Variants in DSG2 observed in about 807,000 individuals in gnomAD.
DSG2 encodes desmoglein-2.
Under a neutral mutation model 75.6 loss-of-function variants are expected in DSG2, and 45 were observed. That is an observed-to-expected ratio of 0.60 (90% CI 0.47 to 0.76). The LOEUF is 0.76. Ranked by LOEUF, DSG2 falls within the 30% of genes least tolerant of loss-of-function variation. The pLI is 0.00. For missense variants in DSG2, 1,267 were observed against 1,357.4 expected (o/e 0.93, Z 1.05); for synonymous variants, 429 against 483.9 (o/e 0.89, Z 1.49).
chr18:31,507,833 G>A (rs1360722598), intron 1 of DSG2, among the ~76,000 whole-genome samples: 3 of 152,088 alleles, frequency 2.0e-5, no homozygotes, highest in African/African-American at 7.2e-5. Context: ...TTAGCCCTTT[G>A]TCAGATGGAT....
intron 1 of DSG2, among the ~76,000 whole-genome samples, chr18:31,511,523 G>A (rs76321254): frequency 6.6e-6 from 1 of 152,358 alleles, no homozygotes; most frequent in Non-Finnish European, 1.5e-5. Flanking sequence ...TAACTGCTCA[G>A]TCAAATAAAC....
At chr18:31,522,754 A>C (rs1483130828) in intron 6 of DSG2, 1 of 155,414 alleles carries the variant, frequency 6.4e-6, no homozygotes, top group Non-Finnish European at 1.4e-5. Flanking sequence ...CTCTAATGAA[A>C]CATTAGGAGG....
chr18:31,505,013 C>G (rs2073031898), intron 1 of DSG2, among the ~76,000 whole-genome samples: 2 of 152,158 alleles, frequency 1.3e-5, no homozygotes, highest in South Asian at 4.1e-4. Flanking sequence ...TGAACTGTCT[C>G]CTGCCTTTTA....
chr18:31,542,199 TA>T, intron 13 of DSG2: 2 of 390,384 alleles, frequency 5.1e-6, no homozygotes, highest in Non-Finnish European at 9.5e-6. Context: ...AAAACAAAGT[TA>T]AGAATTCTGT....
At chr18:31,526,231 C>G (rs2073162165) in intron 8 of DSG2, among the ~76,000 whole-genome samples, 1 of 152,124 alleles carries the variant, frequency 6.6e-6, no homozygotes, top group African/African-American at 2.4e-5. Context: ...AAATGCAAAG[C>G]TACAGTTCCA....
Position 31,518,225 on chromosome 18 carries a change from A to C in DSG2, c.46-14A>C, listed in dbSNP as rs373617074. The C allele has an allele frequency of 3.1e-6, 5 of 1,608,936 alleles. No homozygotes were observed. In the East Asian group the frequency reaches 1.1e-4, roughly 36 times the overall value. On this transcript the variant is annotated splice_polypyrimidine_tract_variant and intron_variant, in intron 1 of 14. Coordinates refer to ENST00000261590, the MANE Select transcript of DSG2 (RefSeq NM_001943.5). ...CAGTAAATTGGCTAAATATCAAATA[A>C]TTTTATTTTACAGATCTGCTTTAAC...
chr18:31,545,833 T>C lies in DSG2; in HGVS notation c.2447T>C (p.Phe816Ser), dbSNP rs1284559802. 2 of 1,614,108 alleles carry C rather than the reference T, an allele frequency of 1.2e-6. No individual in the cohort carries two copies. The highest frequency in any genetic ancestry group is 1.7e-5 in the Admixed American group (1 of 60,010). The change falls in exon 15 of 15, where the codon TTT (phenylalanine) becomes TCT (serine). Residue 816 changes from phenylalanine (F) to serine (S), a missense_variant. By Grantham distance (155) the Phe-to-Ser change is radical. Transcript: ENST00000261590. ...SLNASIGCCS[F>S]IEGELDDRFL... is the part of the protein sequence containing the mutation. ...AATGCTTCTATTGGTTGTTGCAGTTTTATTGAAGGAGAGCTAGATGACCGC... is the reference window on the plus strand; with the variant it reads ...AATGCTTCTATTGGTTGTTGCAGTTCTATTGAAGGAGAGCTAGATGACCGC...
intron 1 of DSG2, among the ~76,000 whole-genome samples, chr18:31,516,024 T>C (rs1217453098): frequency 1.3e-5 from 2 of 152,136 alleles, no homozygotes; most frequent in Admixed American, 6.6e-5. Flanking sequence ...AATTAATGCA[T>C]AAATGGAAGG....
Position 31,524,684 on chromosome 18 carries a change from A to G in DSG2, c.829-19A>G. ...TTTGTATTTCATTGAAATAAAAATC[A>G]TGTGTTCATGTTTTGCAGCTTGAAG... On this transcript the variant is annotated intron_variant, in intron 7 of 14. Transcript: ENST00000261590. 2 of 1,613,830 alleles carry G rather than the reference A, an allele frequency of 1.2e-6. No homozygotes were observed.
intron 1 of DSG2, among the ~76,000 whole-genome samples, chr18:31,504,067 C>T (rs1366046523): frequency 2.0e-5 from 3 of 152,282 alleles, no homozygotes; most frequent in African/African-American, 4.8e-5. Flanking sequence ...GGGTTGATTA[C>T]GCCTTGATAC....
chr18:31,506,180 G>A (rs1245261559), intron 1 of DSG2, among the ~76,000 whole-genome samples: 1 of 152,102 alleles, frequency 6.6e-6, no homozygotes, highest in African/African-American at 2.4e-5. Flanking sequence ...ATCAAACCCA[G>A]GTTCACCTGG....
chr18:31,517,867 G>C (rs1051831588), intron 1 of DSG2, among the ~76,000 whole-genome samples: 3 of 152,002 alleles, frequency 2.0e-5, no homozygotes, highest in Non-Finnish European at 2.9e-5. Flanking sequence ...CTGGGTGTGG[G>C]GTACATTACA....
chr18:31,498,435 A>G (rs909389715), intron 1 of DSG2, 139 bp downstream of exon 1: 37 of 955,746 alleles, frequency 3.9e-5, no homozygotes, highest in African/African-American at 1.5e-4. Context: ...CCGAGGGGGG[A>G]AAAGGGCCGG....
In DSG2 at chr18:31,546,639, C is replaced by T. The variant is rs1460099340; in HGVS notation, c.3253C>T (p.Leu1085=). ...TVSGAGVPGP[L]PDFGLEESGH... The stretch of plus-strand genomic sequence containing the variant: ...GTCTGGAGCTGGAGTCCCTGGCCCT[C>T]TGCCAGATTTTGGTTTAGAGGAATC... Residue 1085 remains leucine (L), a synonymous_variant, in exon 15 of 15, where the codon CTG becomes TTG. Coordinates refer to ENST00000261590, the MANE Select transcript of DSG2 (RefSeq NM_001943.5). 1 of 1,614,212 alleles carries T rather than the reference C, an allele frequency of 6.2e-7. No individual in the cohort carries two copies. The highest frequency in any genetic ancestry group is 2.2e-5 in the East Asian group (1 of 44,878).
At chr18:31,537,141 C>T (rs990090902) in intron 11 of DSG2, among the ~76,000 whole-genome samples, 1 of 145,730 alleles carries the variant, frequency 6.9e-6, no homozygotes, top group Non-Finnish European at 1.5e-5. Context: ...ATTTCAAAGA[C>T]AATAGTCAGT....
In DSG2 at chr18:31,536,238, T is replaced by G. The variant is rs776525113; in HGVS notation, c.1460T>G (p.Ile487Ser). Reference sequence around the variant, plus strand: ...AAAACCATCACTGGCACAGTCCTTATCAATGTTGAAGACATCAACGACAAC... The same window carrying G: ...AAAACCATCACTGGCACAGTCCTTAGCAATGTTGAAGACATCAACGACAAC... ...PRKTITGTVL[I>S]NVEDINDNCP... Residue 487 changes from isoleucine to serine, a missense_variant, in exon 11 of 15, where the codon ATC becomes AGC. Coordinates refer to ENST00000261590, the MANE Select transcript of DSG2 (RefSeq NM_001943.5). 33 of 1,614,082 alleles carry G rather than the reference T, an allele frequency of 2.0e-5. No homozygotes were observed. Among genetic ancestry groups the G allele is most frequent in the Non-Finnish European group, 2.7e-5 (32 of 1,180,052 alleles).
chr18:31,523,172 C>T (rs55899143), intron 6 of DSG2, among the ~76,000 whole-genome samples: 33,930 of 152,002 alleles, frequency 0.22, 4,174 homozygotes, highest in East Asian at 0.26. Flanking sequence ...GAGGCTGAGG[C>T]GGGCAGATCA....
intron 14 of DSG2, among the ~76,000 whole-genome samples, chr18:31,543,689 AAC>A (rs1449160594): frequency 2.6e-5 from 4 of 152,070 alleles, no homozygotes; most frequent in Admixed American, 1.3e-4. Flanking sequence ...AATATGTTAA[AAC>A]CCTATCTCTC....
chr18:31,534,063 T>G (rs1188157956), intron 9 of DSG2, among the ~76,000 whole-genome samples: 1 of 150,590 alleles, frequency 6.6e-6, no homozygotes, highest in Non-Finnish European at 1.5e-5. Flanking sequence ...CGATCTCGGC[T>G]TACTGCAACC....
Sources: allele counts gnomAD v4.1 joint callset (sites outside exome capture counted in the v4.1 genomes callset), GRCh38; gene constraint gnomAD v4.1.1; transcripts MANE v1.5; gene names NCBI Gene and HGNC (gene_info 2026-07-23, HGNC 2026-07-21).